Variants in PDE4A observed in about 807,000 individuals in gnomAD.
PDE4A encodes the protein 3',5'-cyclic-AMP phosphodiesterase 4A.
A neutral mutation model predicts 73.9 loss-of-function variants in PDE4A; 21 were observed. The ratio of observed to expected loss-of-function variants is 0.28; its 90% CI spans 0.20 to 0.41. The LOEUF (loss-of-function observed/expected upper bound fraction) is 0.41, where lower values mean the gene tolerates loss of function less well. Ranked by LOEUF, PDE4A falls within the 10% of genes least tolerant of loss-of-function variation. The probability of loss-of-function intolerance (pLI) is 1.00; values close to 1 mark genes in which losing one functional copy is unlikely to be tolerated. For missense variants in PDE4A, 958 were observed against 1,211.4 expected, an observed-to-expected ratio of 0.79 and a Z score of 3.10; for synonymous variants, 463 against 505.4, an observed-to-expected ratio of 0.92 and a Z score of 1.13.
chr19:10,436,106 C>A (rs1482857367), intron 1 of PDE4A, among the ~76,000 whole-genome samples: 1 of 152,154 alleles, frequency 6.6e-6, no homozygotes, highest in East Asian at 1.9e-4. Context: ...TCCTAAACTG[C>A]AGCTTAAATC....
Position 10,461,087 on chromosome 19 carries a change from G to T in PDE4A, c.1449G>T (p.Gln483His). ...HDVDHPGVSNQFLINTNSELA... is the reference protein window; with the variant it reads ...HDVDHPGVSNHFLINTNSELA... ...TGGATCACCCTGGGGTCTCCAACCA[G>T]TTCCTCATCAACACCAGTGAGTGGC... The change falls in exon 11 of 15, where the codon CAG (glutamine) becomes CAT (histidine). Residue 483 changes from glutamine to histidine, a missense_variant. Gln to His is a conservative substitution (Grantham distance 24, BLOSUM62 0). Transcript: ENST00000380702. 1 of 1,612,962 alleles carries T rather than the reference G, an allele frequency of 6.2e-7. No individual in the cohort carries two copies.
In PDE4A at chr19:10,420,605, G is replaced by A; in HGVS notation, c.-160G>A. ...AAGCTGCAGAGCCCGGCCCGGGGGC[G>A]ATTGGCCCGCAGCGCCCCCGGGTCT... On this transcript the variant is annotated 5_prime_UTR_variant, in exon 1 of 15. Transcript: ENST00000380702. The surrounding 1 kb of genome is among the most constrained non-coding windows in gnomAD (Gnocchi z 6.0). 1 of 1,294,696 alleles carries A rather than the reference G, an allele frequency of 7.7e-7. No individual in the cohort carries two copies. The highest frequency in any genetic ancestry group is 9.7e-7 in the Non-Finnish European group (1 of 1,026,156). The allele number at this position is 1,294,696 out of a possible 1,614,324, so 80.2% of individuals were successfully genotyped here.
chr19:10,458,153 C>T lies in PDE4A; in HGVS notation c.1101+51C>T. 1 of 1,553,620 alleles carries T rather than the reference C, an allele frequency of 6.4e-7. No homozygotes were observed. The highest frequency in any genetic ancestry group is 8.9e-7 in the Non-Finnish European group (1 of 1,128,156). On this transcript the variant is annotated intron_variant, in intron 8 of 14. Coordinates refer to ENST00000380702, the MANE Select transcript of PDE4A (RefSeq NM_001111307.2). The surrounding 1 kb of genome is among the most constrained non-coding windows in gnomAD (Gnocchi z 4.6). Reference sequence around the variant, plus strand: ...GGCTGGAGGGGGTGGTCTCCTGGGACCCTGAGAAGGACTGGGCATTGGGTT... The same window carrying T: ...GGCTGGAGGGGGTGGTCTCCTGGGATCCTGAGAAGGACTGGGCATTGGGTT...
In PDE4A at chr19:10,461,942, C is replaced by T; in HGVS notation, c.1686C>T (p.Thr562=). 1 of 1,614,064 alleles carries T rather than the reference C, an allele frequency of 6.2e-7. No homozygotes were observed. Among genetic ancestry groups the T allele is most frequent in the Non-Finnish European group, 8.5e-7 (1 of 1,180,006 alleles). ...LLADLKTMVE[T]KKVTSSGVLL... ...CTGACCTGAAGACCATGGTGGAGAC[C>T]AAGAAAGTGACCAGCTCAGGGGTCC... The change falls in exon 13 of 15, where the codon ACC becomes ACT. Residue 562 remains threonine (T), a synonymous_variant. Coordinates refer to ENST00000380702, the MANE Select transcript of PDE4A (RefSeq NM_001111307.2).
Position 10,463,855 on chromosome 19 carries a change from C to T in PDE4A, c.1806C>T (p.Tyr602=). Reference sequence around the variant, plus strand: ...ACCCCACCAAGCCGCTGGAGCTGTACCGCCAGTGGACAGACCGCATCATGG... The same window carrying T: ...ACCCCACCAAGCCGCTGGAGCTGTATCGCCAGTGGACAGACCGCATCATGG... ...LSNPTKPLEL[Y]RQWTDRIMAE... The change falls in exon 14 of 15, where the codon TAC becomes TAT. Residue 602 remains tyrosine, a synonymous_variant. Coordinates refer to ENST00000380702, the MANE Select transcript of PDE4A (RefSeq NM_001111307.2). The T allele has an allele frequency of 3.1e-6, 5 of 1,614,178 alleles. No individual in the cohort carries two copies. Among genetic ancestry groups the T allele is most frequent in the Non-Finnish European group, 4.2e-6 (5 of 1,180,024 alleles).
Position 10,453,049 on chromosome 19 carries a change from G to A in PDE4A, c.784-1780G>A, listed in dbSNP as rs2043117542. The A allele has an allele frequency of 3.0e-6, 4 of 1,342,832 alleles. No homozygotes were observed. The South Asian group carries it at 7.3e-5, about 25-fold the overall frequency. The allele number at this position is 1,342,832 out of a possible 1,614,324, so 83.2% of individuals were successfully genotyped here. ...ACCCACTGCCGCGGGGGGGCCCGTT[G>A]GGGCCCAGGGCTGGCGGGCCATGTA... On this transcript the variant is annotated intron_variant, in intron 6 of 14. Transcript: ENST00000380702. The surrounding 1 kb of genome is among the most constrained non-coding windows in gnomAD (Gnocchi z 4.6).
chr19:10,462,161 CTT>C, intron 13 of PDE4A, among the ~76,000 whole-genome samples, 162 bp downstream of exon 13: 1 of 152,094 alleles, frequency 6.6e-6, no homozygotes, highest in East Asian at 1.9e-4. Context: ...GAGACGGAGT[CTT>C]GCTCTTGTTG....
chr19:10,464,381 C>G, intron 14 of PDE4A: 1 of 455,384 alleles, frequency 2.2e-6, no homozygotes, highest in South Asian at 1.6e-5. Flanking sequence ...CAAGTGTGAG[C>G]CACTGCGCCC....
chr19:10,450,996 G>A, intron 6 of PDE4A, 55 bp downstream of exon 6: 2 of 1,514,836 alleles, frequency 1.3e-6, no homozygotes, highest in South Asian at 2.4e-5. Context: ...CGGGGCCAGT[G>A]GGTAGAGCCA....
At chr19:10,432,299 C>T (rs1247624684) in intron 1 of PDE4A, 11 of 1,196,718 alleles carry the variant, frequency 9.2e-6, no homozygotes, top group Non-Finnish European at 1.2e-5. Context: ...CCGGGGCTGT[C>T]CCTGGGGGGG....
chr19:10,451,461 T>A (rs1216218515), intron 6 of PDE4A, among the ~76,000 whole-genome samples: 1 of 152,176 alleles, frequency 6.6e-6, no homozygotes, highest in Non-Finnish European at 1.5e-5. Context: ...TAGGTCTGCG[T>A]AGCCGCTGGT....
At chr19:10,427,878 C>A (rs2042737182) in intron 1 of PDE4A, 8 of 984,502 alleles carry the variant, frequency 8.1e-6, no homozygotes, top group Non-Finnish European at 9.6e-6. Flanking sequence ...TCATGCCCAA[C>A]ACACTTTGGG....
chr19:10,423,318 C>G lies in PDE4A; in HGVS notation c.320+2234C>G, dbSNP rs547572345. ...GGATTACAGGCGCCCACCACCACAC[C>G]TGACTAATTTTTGAATTTTTAGTAG... is the stretch of plus-strand genomic sequence containing the variant. On this transcript the variant is annotated intron_variant, in intron 1 of 14. Coordinates refer to ENST00000380702, the MANE Select transcript of PDE4A (RefSeq NM_001111307.2). The G allele has an allele frequency of 2.6e-4, 46 of 176,648 alleles. No homozygotes were observed. The South Asian group carries it at 8.2e-3, about 31-fold the overall frequency. 10.9% of individuals were successfully genotyped at this position (176,648 alleles called of 1,614,324 possible).
chr19:10,461,894 G>A lies in PDE4A; in HGVS notation c.1638G>A (p.Met546Ile). Reference sequence around the variant, plus strand: ...GCCCGCAGGTGCTGGCCACGGACATGTCCAAGCACATGACCCTCCTGGCTG... The same window carrying A: ...GCCCGCAGGTGCTGGCCACGGACATATCCAAGCACATGACCCTCCTGGCTG... The part of the protein sequence containing the change: ...MVIDMVLATD[M>I]SKHMTLLADL... Residue 546 changes from methionine to isoleucine, a missense_variant, in exon 13 of 15, where the codon ATG (methionine) becomes ATA (isoleucine). By Grantham distance (10) the Met-to-Ile change is conservative. Coordinates refer to ENST00000380702, the MANE Select transcript of PDE4A (RefSeq NM_001111307.2). 1 of 1,613,968 alleles carries A rather than the reference G, an allele frequency of 6.2e-7. No individual in the cohort carries two copies. Among genetic ancestry groups the A allele is most frequent in the Non-Finnish European group, 8.5e-7 (1 of 1,179,960 alleles).
rs1466098439 is a variant in PDE4A, at chr19:10,426,012, A to AG, written c.320+4928_320+4929insG. On this transcript the variant is annotated intron_variant, in intron 1 of 14. Coordinates refer to ENST00000380702, the MANE Select transcript of PDE4A (RefSeq NM_001111307.2). Reference sequence around the variant, plus strand: ...AAAAAAAAAAAAAAAAAAAAAAAAAAAGGAAGGAGGGAAGGAAGGAAAGAA... The same window carrying AG: ...AAAAAAAAAAAAAAAAAAAAAAAAAAGAGGAAGGAGGGAAGGAAGGAAAGAA... Among the ~76,000 whole-genome samples the AG allele has an allele frequency of 8.0e-3, 1,125 of 140,624 alleles. 55 individuals are homozygous for AG. Among genetic ancestry groups the AG allele is most frequent in the African/African-American group, 0.03 (1,069 of 35,416 alleles). 92.3% of individuals were successfully genotyped at this position (140,624 alleles called of 152,430 possible).
Position 10,436,498 on chromosome 19 carries a change from T to C in PDE4A, c.321-9720T>C, listed in dbSNP as rs1034904861. ...TGAACCTGAGAGGCGGAGGTTGCAG[T>C]GAGCCGAGATGGCGCCACTGCACTA... On this transcript the variant is annotated intron_variant, in intron 1 of 14. Coordinates refer to ENST00000380702, the MANE Select transcript of PDE4A (RefSeq NM_001111307.2). Among the ~76,000 whole-genome samples the C allele has an allele frequency of 2.0e-5, 3 of 152,016 alleles. No homozygotes were observed. In the East Asian group the frequency reaches 5.8e-4, roughly 29 times the overall value.
intron 1 of PDE4A, among the ~76,000 whole-genome samples, chr19:10,440,938 A>T (rs2042929857): frequency 7.4e-6 from 1 of 134,320 alleles, no homozygotes; most frequent in South Asian, 2.3e-4. Context: ...GGGTTTCACC[A>T]TGCTGCCCTG....
chr19:10,452,449 A>G (rs1187468677), intron 6 of PDE4A, among the ~76,000 whole-genome samples: 1 of 151,828 alleles, frequency 6.6e-6, no homozygotes, highest in Non-Finnish European at 1.5e-5. Flanking sequence ...AAAAAAAAAA[A>G]AAGAAATGTG....
In PDE4A at chr19:10,446,215, C is replaced by A. The variant is rs200212266; in HGVS notation, c.321-3C>A. On this transcript the variant is annotated splice_region_variant and splice_polypyrimidine_tract_variant and intron_variant, in intron 1 of 14. Transcript: ENST00000380702. Reference sequence around the variant, plus strand: ...GACCCCTCTTCTCGCCCATCCCCTGCAGCTTCGAGGCAGAGAATGGGCCGA... The same window carrying A: ...GACCCCTCTTCTCGCCCATCCCCTGAAGCTTCGAGGCAGAGAATGGGCCGA... 12 of 1,560,832 alleles carry A rather than the reference C, an allele frequency of 7.7e-6. No homozygotes were observed. The highest frequency in any genetic ancestry group is 1.0e-5 in the Non-Finnish European group (12 of 1,152,472).
Sources: allele counts gnomAD v4.1 joint callset (sites outside exome capture counted in the v4.1 genomes callset), GRCh38; gene constraint gnomAD v4.1.1; non-coding constraint Gnocchi (gnomAD v3.1); transcripts MANE v1.5; gene names NCBI Gene and HGNC (gene_info 2026-07-23, HGNC 2026-07-21).